The following MUSK variants were observed in gnomAD, a reference collection of about 807,000 sequenced individuals.
The protein encoded by MUSK is muscle, skeletal receptor tyrosine-protein kinase.
Under a neutral mutation model 88.7 loss-of-function variants are expected in MUSK, and 55 were observed. That is an observed-to-expected ratio of 0.62 (90% confidence interval 0.50 to 0.78). The LOEUF is 0.78. MUSK is among the 30% of genes least tolerant of loss of function. The pLI is 0.00. For missense variants in MUSK, 1,015 were observed against 1,074.3 expected (o/e 0.94, Z 0.77); for synonymous variants, 387 against 391.9 (o/e 0.99, Z 0.15).
At chr9:110,737,315 T>G (rs1187188919) in intron 6 of MUSK, among the ~76,000 whole-genome samples, 1 of 151,034 alleles carries the variant, frequency 6.6e-6, no homozygotes, top group Non-Finnish European at 1.5e-5. Flanking sequence ...TTATTCTTAA[T>G]TTGATAATTA....
At chr9:110,786,432 T>C (rs2077867913) in intron 13 of MUSK, among the ~76,000 whole-genome samples, 1 of 151,992 alleles carries the variant, frequency 6.6e-6, no homozygotes, top group African/African-American at 2.4e-5. Flanking sequence ...GTAGCCTATA[T>C]GGAGATAATA....
At chr9:110,761,917 A>G (rs925726760) in intron 7 of MUSK, 40 of 985,168 alleles carry the variant, frequency 4.1e-5, no homozygotes, top group Non-Finnish European at 4.6e-5. Context: ...TAGCTAATGG[A>G]GGGAAATTCT....
intron 1 of MUSK, among the ~76,000 whole-genome samples, chr9:110,677,714 T>C (rs970237041): frequency 6.6e-6 from 1 of 152,182 alleles, no homozygotes; most frequent in African/African-American, 2.4e-5. Context: ...ATGTATTGTG[T>C]AGTTTTTTTT....
chr9:110,719,798 A>C (rs548198303), intron 5 of MUSK, among the ~76,000 whole-genome samples: 1 of 152,148 alleles, frequency 6.6e-6, no homozygotes, highest in African/African-American at 2.4e-5. Context: ...CATTGTAATC[A>C]TCAGCACATG....
At chr9:110,702,054 T>G (rs2076535411) in intron 5 of MUSK, among the ~76,000 whole-genome samples, 1 of 151,238 alleles carries the variant, frequency 6.6e-6, no homozygotes, top group Admixed American at 6.7e-5. Flanking sequence ...TACCTATGAT[T>G]TAATATCCAA....
intron 6 of MUSK, among the ~76,000 whole-genome samples, chr9:110,738,216 T>C (rs1045929229): frequency 6.6e-6 from 1 of 152,194 alleles, no homozygotes; most frequent in Non-Finnish European, 1.5e-5. Context: ...GATCCTTTGA[T>C]TATAATACCA....
At chr9:110,799,118 T>G in intron 14 of MUSK, among the ~76,000 whole-genome samples, 1 of 152,158 alleles carries the variant, frequency 6.6e-6, no homozygotes, top group East Asian at 1.9e-4. Context: ...TTTCTTTATT[T>G]TTTCCCTTTA....
intron 7 of MUSK, among the ~76,000 whole-genome samples, chr9:110,753,591 G>A (rs950583666): frequency 2.0e-5 from 3 of 152,046 alleles, no homozygotes; most frequent in East Asian, 1.9e-4. Flanking sequence ...GTACAGGGAC[G>A]AGCCTATGGT....
chr9:110,735,116 G>A (rs2077013008), intron 6 of MUSK, among the ~76,000 whole-genome samples: 1 of 152,002 alleles, frequency 6.6e-6, no homozygotes, highest in Non-Finnish European at 1.5e-5. Context: ...CATGGGAATG[G>A]GAATTACTAC....
rs1564268914 is a variant in MUSK at position 110,755,967 on chromosome 9, T to TATATATATATACATATATATATAC, written c.914-6212_914-6211insCATATATATATACATATATATATA. Reference sequence around the variant, plus strand: ...ATATATATACACATATATATATACATATATATATATACATATATATATATA... The same window carrying TATATATATATACATATATATATAC: ...ATATATATACACATATATATATACATATATATATATACATATATATATACATATATATATACATATATATATATA... On this transcript the variant is annotated intron_variant, in intron 7 of 14. Transcript: ENST00000374448. Among the ~76,000 whole-genome samples, 115 of 58,838 alleles carry TATATATATATACATATATATATAC rather than the reference T, an allele frequency of 2.0e-3. 2 individuals carry two copies. In the East Asian group the frequency reaches 0.023, roughly 12 times the overall value. The allele number at this position is 58,838 out of a possible 152,430, so 38.6% of individuals were successfully genotyped here.
chr9:110,713,515 C>T (rs1200518832), intron 5 of MUSK, among the ~76,000 whole-genome samples: 1 of 152,136 alleles, frequency 6.6e-6, no homozygotes, highest in African/African-American at 2.4e-5. Context: ...CTGCCTCAGT[C>T]TTCCAAAGTG....
intron 9 of MUSK, among the ~76,000 whole-genome samples, chr9:110,768,546 C>T (rs1414435874): frequency 1.3e-5 from 2 of 152,112 alleles, no homozygotes; most frequent in Non-Finnish European, 2.9e-5. Flanking sequence ...CCATATAAAT[C>T]ACTAAAGATA....
chr9:110,691,150 C>T (rs1311179992), intron 3 of MUSK, among the ~76,000 whole-genome samples: 1 of 152,024 alleles, frequency 6.6e-6, no homozygotes, highest in East Asian at 1.9e-4. Flanking sequence ...CAGGCATGAG[C>T]CTGTTTGTGT....
At chr9:110,721,512 AT>A (rs1270074688) in intron 5 of MUSK, among the ~76,000 whole-genome samples, 2 of 152,124 alleles carry the variant, frequency 1.3e-5, no homozygotes, top group Non-Finnish European at 2.9e-5. Flanking sequence ...ATAAAATAAA[AT>A]ACTTAAGAAT....
At chr9:110,787,664 T>C in intron 13 of MUSK, 26 bp from the exon 14 acceptor site, 1 of 1,608,208 alleles carries the variant, frequency 6.2e-7, no homozygotes, top group Non-Finnish European at 8.5e-7. Context: ...ATCTTTGGTT[T>C]CTTTTTCAAT....
chr9:110,730,781 T>C (rs2076953261), intron 5 of MUSK, among the ~76,000 whole-genome samples: 2 of 152,090 alleles, frequency 1.3e-5, no homozygotes, highest in African/African-American at 4.8e-5. Context: ...CAGATAGAGT[T>C]GGGTAAAAAC....
chr9:110,753,066 C>G (rs1490913557), intron 7 of MUSK, among the ~76,000 whole-genome samples: 1 of 152,116 alleles, frequency 6.6e-6, no homozygotes, highest in Non-Finnish European at 1.5e-5. Flanking sequence ...AGCAAGACAG[C>G]CTATGATACC....
intron 7 of MUSK, 197 bp from the exon 8 acceptor site, chr9:110,762,005 A>T (rs1284270187): frequency 2.2e-6 from 2 of 907,844 alleles, no homozygotes; most frequent in Non-Finnish European, 2.6e-6. Flanking sequence ...AAGATACTCA[A>T]TATTTTCTTC....
intron 14 of MUSK, among the ~76,000 whole-genome samples, chr9:110,789,410 G>A (rs1020050935): frequency 6.6e-6 from 1 of 152,236 alleles, no homozygotes; most frequent in African/African-American, 2.4e-5. Context: ...AGTGAATGGA[G>A]GTGCCATTGG....
Sources: gnomAD v4.1 joint callset for allele counts (sites outside exome capture counted in the v4.1 genomes callset) on GRCh38, gnomAD v4.1.1 for gene constraint, MANE v1.5 for transcripts, NCBI Gene and HGNC (gene_info 2026-07-23, HGNC 2026-07-21) for gene names.